MAST4: variants seen among roughly 807,000 people sequenced by gnomAD.
The protein encoded by MAST4 is microtubule associated serine/threonine kinase family member 4.
A neutral mutation model predicts 162.7 loss-of-function variants in MAST4; 89 were observed. That is an observed-to-expected ratio of 0.55 (90% confidence interval 0.46 to 0.65). The LOEUF (loss-of-function observed/expected upper bound fraction) is 0.65. MAST4 is among the 30% of genes least tolerant of loss of function. The pLI is 0.00. For synonymous variants in MAST4, 1,479 were observed against 1,361.1 expected (o/e 1.09, Z -1.91); for missense variants, 3,153 against 3,374.0 (o/e 0.93, Z 1.62).
chr5:66,769,031 G>A (rs773074919), intron 2 of MAST4, among the ~76,000 whole-genome samples: 9 of 152,140 alleles, frequency 5.9e-5, no homozygotes, highest in Non-Finnish European at 8.8e-5. Context: ...TAGTCTTGAA[G>A]AGTAAGAAGG....
chr5:66,954,806 T>C (rs1294277965), intron 4 of MAST4, among the ~76,000 whole-genome samples: 1 of 151,674 alleles, frequency 6.6e-6, no homozygotes, highest in African/African-American at 2.4e-5. Flanking sequence ...GAGACTGAGA[T>C]AGGAGAATCG....
At chr5:66,946,759 CAGAT>C (rs1744074699) in intron 4 of MAST4, among the ~76,000 whole-genome samples, 1 of 152,106 alleles carries the variant, frequency 6.6e-6, no homozygotes, top group South Asian at 2.1e-4. Flanking sequence ...ATTCTTTAGT[CAGAT>C]AGATTCAGGT....
chr5:66,650,840 T>TA lies in MAST4; in HGVS notation c.363+53826dup, dbSNP rs1025965610. Among the ~76,000 whole-genome samples, 13 of 152,352 alleles carry TA rather than the reference T, an allele frequency of 8.5e-5. No homozygotes were observed. In the East Asian group the frequency reaches 2.1e-3, roughly 25 times the overall value. On this transcript the variant is annotated intron_variant, in intron 1 of 28. Transcript: ENST00000403625. ...ACTGGGTTAACCCAAATACATGTGGTAAAACCTAGGCTCCAAACTGGCACA... is the reference window on the plus strand; with the variant it reads ...ACTGGGTTAACCCAAATACATGTGGTAAAAACCTAGGCTCCAAACTGGCACA...
At chr5:66,625,610 G>A (rs1236740935) in intron 1 of MAST4, among the ~76,000 whole-genome samples, 1 of 152,024 alleles carries the variant, frequency 6.6e-6, no homozygotes, top group Non-Finnish European at 1.5e-5. Flanking sequence ...TTCATCATCA[G>A]GAAAAAGAGT....
At chr5:66,754,904 T>C (rs1328027742) in intron 1 of MAST4, among the ~76,000 whole-genome samples, 1 of 152,140 alleles carries the variant, frequency 6.6e-6, no homozygotes, top group African/African-American at 2.4e-5. Context: ...ATATCTGGAA[T>C]GTGTCGCAGG....
At chr5:67,141,836 G>A (rs1233828160) in intron 19 of MAST4, among the ~76,000 whole-genome samples, 1 of 152,012 alleles carries the variant, frequency 6.6e-6, no homozygotes, top group Non-Finnish European at 1.5e-5. Flanking sequence ...ATTTTAAGTG[G>A]CCACATCATT....
At chr5:66,743,631 G>C (rs1225766667) in intron 1 of MAST4, among the ~76,000 whole-genome samples, 1 of 152,130 alleles carries the variant, frequency 6.6e-6, no homozygotes, top group African/African-American at 2.4e-5. Context: ...CAGACCTGGA[G>C]TTCTGGGGAC....
chr5:66,953,176 A>G (rs1210381764), intron 4 of MAST4, among the ~76,000 whole-genome samples: 1 of 152,210 alleles, frequency 6.6e-6, no homozygotes, highest in African/African-American at 2.4e-5. Context: ...ACACTTTTTA[A>G]GAATATATAA....
At chr5:66,897,475 AAC>A (rs1762759083) in intron 3 of MAST4, among the ~76,000 whole-genome samples, 1 of 152,260 alleles carries the variant, frequency 6.6e-6, no homozygotes, top group Non-Finnish European at 1.5e-5. Context: ...CGCAGGCTGC[AAC>A]CGCTTAGCCC....
At chr5:66,954,791 C>T (rs1745101610) in intron 4 of MAST4, among the ~76,000 whole-genome samples, 1 of 151,886 alleles carries the variant, frequency 6.6e-6, no homozygotes, top group Non-Finnish European at 1.5e-5. Context: ...GTTCCAGCTA[C>T]TCAGGAGACT....
intron 7 of MAST4, among the ~76,000 whole-genome samples, chr5:67,098,464 T>A (rs922174830): frequency 1.3e-5 from 2 of 152,178 alleles, no homozygotes; most frequent in Non-Finnish European, 2.9e-5. Flanking sequence ...GTATGTTTCT[T>A]ACCAGATAAA....
rs150921639 is a variant in MAST4 at position 66,893,842 on chromosome 5, C to A, written c.643-6109C>A. The stretch of plus-strand genomic sequence containing the variant: ...TTAGAATGTAGACCATTTTTGCCTT[C>A]TGATGATTTACAGCCAAGCCCTGTG... On this transcript the variant is annotated intron_variant, in intron 3 of 28. Coordinates refer to ENST00000403625, the MANE Select transcript of MAST4 (RefSeq NM_001164664.2). 2.7e-3 allele frequency among the ~76,000 whole-genome samples: 409 copies of A among 152,212 alleles called. 2 individuals are homozygous for A. Among genetic ancestry groups the A allele is most frequent in the African/African-American group, 9.3e-3 (388 of 41,532 alleles).
At chr5:67,090,316 C>A (rs1763693801) in intron 6 of MAST4, 85 bp downstream of exon 6, 1 of 847,440 alleles carries the variant, frequency 1.2e-6, no homozygotes, top group Admixed American at 2.3e-5. Flanking sequence ...TCCCCCTCCC[C>A]ACTTCTTCCC....
At chr5:66,601,904 A>G (rs1742577460) in intron 1 of MAST4, among the ~76,000 whole-genome samples, 1 of 152,124 alleles carries the variant, frequency 6.6e-6, no homozygotes, top group Non-Finnish European at 1.5e-5. Context: ...CCAGAGTTGG[A>G]ATTGATAACC....
intron 10 of MAST4, among the ~76,000 whole-genome samples, chr5:67,108,559 G>A (rs1765851751): frequency 6.6e-6 from 1 of 152,102 alleles, no homozygotes; most frequent in South Asian, 2.1e-4. Context: ...ATCCTTCCTG[G>A]TTACTAGGAC....
intron 5 of MAST4, among the ~76,000 whole-genome samples, chr5:67,078,648 TTATA>T (rs975662123): frequency 7.7e-5 from 10 of 130,578 alleles, no homozygotes; most frequent in Admixed American, 2.4e-4. Context: ...ATTTATATCT[TTATA>T]TATATTTATT....
intron 3 of MAST4, among the ~76,000 whole-genome samples, chr5:66,882,559 A>G (rs1200237524): frequency 6.6e-6 from 1 of 152,078 alleles, no homozygotes; most frequent in African/African-American, 2.4e-5. Context: ...ATTTCATTCT[A>G]ATATATTCTT....
intron 4 of MAST4, among the ~76,000 whole-genome samples, chr5:66,959,633 G>T (rs1368638184): frequency 6.6e-6 from 1 of 151,434 alleles, no homozygotes; most frequent in Non-Finnish European, 1.5e-5. Context: ...TTATCCCTAT[G>T]TTGCCTTTTT....
chr5:66,788,605 C>CCCCAAACAAAAAAAAAAAAAACAGCAG, intron 2 of MAST4, 65 bp from the exon 3 acceptor site: 1 of 1,344,528 alleles, frequency 7.4e-7, no homozygotes, highest in Non-Finnish European at 1.0e-6. Flanking sequence ...CACCCCCACC[C>CCCCAAACAAAAAAAAAAAAAACAGCAG]CCATTGCAAT....
Sources: gnomAD v4.1 joint callset for allele counts (sites outside exome capture counted in the v4.1 genomes callset) on GRCh38, gnomAD v4.1.1 for gene constraint, MANE v1.5 for transcripts, NCBI Gene and HGNC (gene_info 2026-07-23, HGNC 2026-07-21) for gene names.